ZCCHC7: variants seen among roughly 807,000 people sequenced by gnomAD.
The protein encoded by ZCCHC7 is zinc finger CCHC-type containing 7.
ZCCHC7 carries 35 observed loss-of-function variants against 52.0 expected under a neutral mutation model. That is an observed-to-expected ratio of 0.67 (90% CI 0.51 to 0.89). The LOEUF (loss-of-function observed/expected upper bound fraction) is 0.89. ZCCHC7 is among the 40% of genes least tolerant of loss of function. The probability of loss-of-function intolerance (pLI) is 0.00; values close to 1 mark genes in which losing one functional copy is unlikely to be tolerated. For missense variants in ZCCHC7, 574 were observed against 649.1 expected, an observed-to-expected ratio of 0.88 and a Z score of 1.26; for synonymous variants, 217 against 221.5, an observed-to-expected ratio of 0.98 and a Z score of 0.18.
intron 1 of ZCCHC7, 180 bp downstream of exon 1, chr9:37,120,803 C>T (rs1377542995): frequency 2.9e-5 from 9 of 306,842 alleles, no homozygotes; most frequent in Non-Finnish European, 5.4e-5. Flanking sequence ...CCGCCCCACG[C>T]GGCCGGGCTG....
chr9:37,249,446 C>G (rs1053627593), intron 2 of ZCCHC7, among the ~76,000 whole-genome samples: 3 of 124,650 alleles, frequency 2.4e-5, no homozygotes, highest in African/African-American at 9.5e-5. Flanking sequence ...CTTATATTTT[C>G]TTCTTCTTCC....
intron 6 of ZCCHC7, among the ~76,000 whole-genome samples, chr9:37,341,782 T>C (rs906148098): frequency 1.3e-5 from 2 of 152,072 alleles, no homozygotes; most frequent in East Asian, 1.9e-4. Context: ...ATATTAAATC[T>C]GGGAGAAGAG....
intron 2 of ZCCHC7, among the ~76,000 whole-genome samples, chr9:37,131,359 A>G (rs1429208611): frequency 1.3e-5 from 2 of 150,034 alleles, no homozygotes; most frequent in Non-Finnish European, 3.0e-5. Context: ...GAAAAAAAAA[A>G]TACAGGCCGG....
At chr9:37,329,943 C>T (rs1267430998) in intron 6 of ZCCHC7, among the ~76,000 whole-genome samples, 1 of 151,778 alleles carries the variant, frequency 6.6e-6, no homozygotes, top group Non-Finnish European at 1.5e-5. Context: ...CTTTTTCTAA[C>T]CAAAATTGTC....
chr9:37,307,303 A>G (rs1322072899), intron 5 of ZCCHC7, among the ~76,000 whole-genome samples: 1 of 152,196 alleles, frequency 6.6e-6, no homozygotes, highest in Non-Finnish European at 1.5e-5. Flanking sequence ...AGTTTTCTAC[A>G]TTCAGTTTAC....
At chr9:37,206,288 C>T (rs1362853995) in intron 2 of ZCCHC7, among the ~76,000 whole-genome samples, 4 of 149,816 alleles carry the variant, frequency 2.7e-5, no homozygotes, top group African/African-American at 7.4e-5. Flanking sequence ...TTCTCCCTCC[C>T]TTCCCCCTTC....
intron 2 of ZCCHC7, among the ~76,000 whole-genome samples, chr9:37,159,113 C>A (rs1820962131): frequency 6.6e-6 from 1 of 152,154 alleles, no homozygotes; most frequent in South Asian, 2.1e-4. Flanking sequence ...CATACTTTAA[C>A]AGGTATGTTT....
At chr9:37,137,302 T>A (rs183167672) in intron 2 of ZCCHC7, among the ~76,000 whole-genome samples, 5 of 152,238 alleles carry the variant, frequency 3.3e-5, no homozygotes, top group Non-Finnish European at 5.9e-5. Context: ...AGTACAAGAC[T>A]GAATTGAAAA....
chr9:37,234,465 T>TGGTC (rs1424729871), intron 2 of ZCCHC7, among the ~76,000 whole-genome samples: 1 of 152,240 alleles, frequency 6.6e-6, no homozygotes, highest in Admixed American at 6.5e-5. Context: ...GGATTATTCC[T>TGGTC]GGTCCAATCA....
chr9:37,301,591 C>G (rs1196555903), intron 2 of ZCCHC7, among the ~76,000 whole-genome samples: 1 of 152,018 alleles, frequency 6.6e-6, no homozygotes, highest in East Asian at 1.9e-4. Flanking sequence ...CAGAGCAAGA[C>G]CCTGTCTCCA....
chr9:37,136,472 A>G (rs944739650), intron 2 of ZCCHC7, among the ~76,000 whole-genome samples: 2 of 151,110 alleles, frequency 1.3e-5, no homozygotes, highest in African/African-American at 2.4e-5. Flanking sequence ...CCCACCTGCA[A>G]TCTCTCTCTC....
chr9:37,172,679 G>T (rs144676436), intron 2 of ZCCHC7, among the ~76,000 whole-genome samples: 1,631 of 152,108 alleles, frequency 0.011, 22 homozygotes, highest in Non-Finnish European at 0.019. Context: ...ATTCCAATAG[G>T]GACTTGAGTG....
At chr9:37,353,415 A>G (rs1821512700) in intron 7 of ZCCHC7, among the ~76,000 whole-genome samples, 1 of 152,184 alleles carries the variant, frequency 6.6e-6, no homozygotes, top group Admixed American at 6.6e-5. Context: ...AAAAATTATG[A>G]AGTCTGAAAC....
chr9:37,139,956 G>A (rs955610503), intron 2 of ZCCHC7, among the ~76,000 whole-genome samples: 2 of 151,924 alleles, frequency 1.3e-5, no homozygotes, highest in East Asian at 1.9e-4. Context: ...TCTTAAGATA[G>A]GAAATAGACT....
At chr9:37,331,678 C>T (rs988745804) in intron 6 of ZCCHC7, among the ~76,000 whole-genome samples, 1 of 151,618 alleles carries the variant, frequency 6.6e-6, no homozygotes, top group African/African-American at 2.4e-5. Flanking sequence ...TTTAAAATAA[C>T]TTAAAATGTG....
chr9:37,234,170 G>C (rs1368673930), intron 2 of ZCCHC7, among the ~76,000 whole-genome samples: 2 of 152,126 alleles, frequency 1.3e-5, no homozygotes, highest in Non-Finnish European at 2.9e-5. Context: ...CGCCCGGCCA[G>C]GATAGGGATT....
At chr9:37,180,546 TTTAC>T (rs1434250129) in intron 2 of ZCCHC7, among the ~76,000 whole-genome samples, 1 of 152,166 alleles carries the variant, frequency 6.6e-6, no homozygotes, top group Non-Finnish European at 1.5e-5. Flanking sequence ...GAATGCTGTA[TTTAC>T]TTTGGTGGAA....
At chr9:37,260,801 C>A (rs1826828870) in intron 2 of ZCCHC7, among the ~76,000 whole-genome samples, 1 of 152,142 alleles carries the variant, frequency 6.6e-6, no homozygotes, top group Non-Finnish European at 1.5e-5. Context: ...AAGCTGAACT[C>A]CCTGGCAGCC....
At chr9:37,216,921 AATT>A (rs1211533766) in intron 2 of ZCCHC7, among the ~76,000 whole-genome samples, 1 of 152,164 alleles carries the variant, frequency 6.6e-6, no homozygotes, top group Non-Finnish European at 1.5e-5. Context: ...TTCTAATAAT[AATT>A]ATTAAATTTG....
Sources: gnomAD v4.1 joint callset for allele counts (sites outside exome capture counted in the v4.1 genomes callset) on GRCh38, gnomAD v4.1.1 for gene constraint, MANE v1.5 for transcripts, NCBI Gene and HGNC (gene_info 2026-07-23, HGNC 2026-07-21) for gene names.